Variants in CA10 observed in about 807,000 individuals in gnomAD.
CA10 encodes carbonic anhydrase-related protein 10.
CA10 carries 14 observed loss-of-function variants against 44.2 expected under a neutral mutation model. The observed-to-expected ratio is 0.32, with a 90% confidence interval of 0.21 to 0.50. The LOEUF (loss-of-function observed/expected upper bound fraction) is 0.50, where lower values mean the gene tolerates loss of function less well. Among genes scored for constraint, CA10 ranks in the 20% least tolerant of loss-of-function variants. The pLI is 0.99. For synonymous variants in CA10, 159 were observed against 141.6 expected, an observed-to-expected ratio of 1.12 and a Z score of -0.87; for missense variants, 350 against 409.7, an observed-to-expected ratio of 0.85 and a Z score of 1.26.
intron 1 of CA10, among the ~76,000 whole-genome samples, chr17:52,113,574 AC>A (rs748909854): frequency 2.0e-5 from 3 of 152,220 alleles, no homozygotes; most frequent in Non-Finnish European, 2.9e-5. Context: ...GTACAAGACA[AC>A]AGTGGAAAAG....
intron 1 of CA10, among the ~76,000 whole-genome samples, chr17:52,148,761 A>G (rs1428000517): frequency 2.6e-5 from 4 of 152,184 alleles, no homozygotes; most frequent in African/African-American, 4.8e-5. Flanking sequence ...GTAATGGGAA[A>G]AAAAACACTC....
chr17:51,986,759 CT>C (rs1311567842), intron 2 of CA10, among the ~76,000 whole-genome samples: 1 of 151,918 alleles, frequency 6.6e-6, no homozygotes. Context: ...TGAAAAAATA[CT>C]TAACATGACT....
intron 2 of CA10, among the ~76,000 whole-genome samples, chr17:52,049,281 C>T (rs1463049003): frequency 1.3e-5 from 2 of 152,072 alleles, no homozygotes; most frequent in African/African-American, 4.8e-5. Context: ...GCTGGACTGC[C>T]TGGGTTTGAG....
At chr17:51,928,148 C>T (rs1326771206) in intron 3 of CA10, among the ~76,000 whole-genome samples, 1 of 151,804 alleles carries the variant, frequency 6.6e-6, no homozygotes, top group African/African-American at 2.4e-5. Flanking sequence ...GGATCCAAGT[C>T]GAAACAAAAA....
In CA10 at chr17:51,920,387, T is replaced by G. The variant is rs557995623; in HGVS notation, c.279+10603A>C. Among the ~76,000 whole-genome samples the G allele has an allele frequency of 1.6e-3, 242 of 150,516 alleles. 5 individuals carry two copies. The South Asian group carries it at 0.05, about 31-fold the overall frequency. ...TGAAAGGGAGGGAGGAGGTTGGAGA[T>G]AAAGACTGGAGAGAAAAGAAAAGGC... On this transcript the variant is annotated intron_variant, in intron 3 of 8. Coordinates refer to ENST00000451037, the MANE Select transcript of CA10 (RefSeq NM_020178.5).
intron 3 of CA10, among the ~76,000 whole-genome samples, chr17:51,877,238 G>C (rs1171006060): frequency 1.3e-5 from 2 of 152,198 alleles, no homozygotes; most frequent in East Asian, 3.8e-4. Context: ...ATGGAAGAGA[G>C]TACCCTGCCA....
intron 2 of CA10, among the ~76,000 whole-genome samples, chr17:51,982,212 T>A (rs1277021455): frequency 2.0e-5 from 3 of 151,988 alleles, no homozygotes; most frequent in Non-Finnish European, 4.4e-5. Flanking sequence ...CAGAGTGTTT[T>A]TCCTGGTATT....
intron 4 of CA10, among the ~76,000 whole-genome samples, chr17:51,663,690 C>T (rs1303435020): frequency 6.7e-6 from 1 of 149,592 alleles, no homozygotes; most frequent in Non-Finnish European, 1.5e-5. Context: ...CAAAGTAAGC[C>T]CTCATTAAAT....
intron 3 of CA10, among the ~76,000 whole-genome samples, chr17:51,791,773 C>A (rs932252441): frequency 1.3e-5 from 2 of 152,126 alleles, no homozygotes; most frequent in South Asian, 2.1e-4. Flanking sequence ...TTCTATTTTT[C>A]CCACTTACTA....
chr17:51,736,214 A>G (rs1916905098), intron 4 of CA10, among the ~76,000 whole-genome samples: 1 of 152,200 alleles, frequency 6.6e-6, no homozygotes, highest in Non-Finnish European at 1.5e-5. Flanking sequence ...GGATTCAAAC[A>G]CAGGAATGAA....
chr17:51,830,000 C>T (rs1333900974), intron 3 of CA10, among the ~76,000 whole-genome samples: 1 of 151,934 alleles, frequency 6.6e-6, no homozygotes, highest in Non-Finnish European at 1.5e-5. Context: ...AGATCGAGAC[C>T]ATTCTGGCCA....
chr17:51,673,970 C>T (rs79654023), intron 4 of CA10, among the ~76,000 whole-genome samples: 1 of 18,118 alleles, frequency 5.5e-5, no homozygotes, highest in East Asian at 8.7e-4. Context: ...GAATGTCCTT[C>T]CCCCCCAGGT....
rs578047253 is a variant in CA10, at chr17:51,829,352, G to A, written c.280-81534C>T. Among the ~76,000 whole-genome samples the A allele has an allele frequency of 2.6e-5, 4 of 152,254 alleles. No homozygotes were observed. The South Asian group carries it at 6.2e-4, about 24-fold the overall frequency. On this transcript the variant is annotated intron_variant, in intron 3 of 8. Transcript: ENST00000451037. Reference sequence around the variant, plus strand: ...TGGTGGCTGTAAAGATTCATTATACGTATGGATTGTCCAAGCTGTTACAGA... The same window carrying A: ...TGGTGGCTGTAAAGATTCATTATACATATGGATTGTCCAAGCTGTTACAGA...
At chr17:52,139,684 A>C (rs530448879) in intron 1 of CA10, among the ~76,000 whole-genome samples, 45 of 152,036 alleles carry the variant, frequency 3.0e-4, no homozygotes, top group African/African-American at 1.1e-3. Flanking sequence ...CTGAGCTCAG[A>C]CTCTGGATTC....
chr17:51,649,050 T>C, intron 6 of CA10, 132 bp downstream of exon 6: 1 of 637,048 alleles, frequency 1.6e-6, no homozygotes, highest in Non-Finnish European at 2.8e-6. Flanking sequence ...ATCTCCAGAG[T>C]GACTTTCTAC....
At chr17:51,866,331 T>C (rs1271351619) in intron 3 of CA10, among the ~76,000 whole-genome samples, 1 of 152,238 alleles carries the variant, frequency 6.6e-6, no homozygotes, top group African/African-American at 2.4e-5. Context: ...GGAGTTCACA[T>C]AACAGCTTCT....
chr17:52,072,855 CCAG>C (rs1987721739), intron 1 of CA10, among the ~76,000 whole-genome samples: 1 of 152,018 alleles, frequency 6.6e-6, no homozygotes, highest in South Asian at 2.1e-4. Context: ...GTATACCCAG[CCAG>C]CTTTCCTTAG....
chr17:52,104,239 C>T (rs1447927606), intron 1 of CA10, among the ~76,000 whole-genome samples: 2 of 151,048 alleles, frequency 1.3e-5, no homozygotes, highest in Non-Finnish European at 2.9e-5. Flanking sequence ...GCTCTGTCAC[C>T]TAGGCTGAAG....
intron 4 of CA10, among the ~76,000 whole-genome samples, chr17:51,706,861 T>A (rs1406454758): frequency 6.6e-6 from 1 of 152,052 alleles, no homozygotes; most frequent in East Asian, 1.9e-4. Flanking sequence ...GGCCTTTCCA[T>A]CTCCTTTAGG....
Sources: gnomAD v4.1 joint callset for allele counts (sites outside exome capture counted in the v4.1 genomes callset) on GRCh38, gnomAD v4.1.1 for gene constraint, MANE v1.5 for transcripts, NCBI Gene and HGNC (gene_info 2026-07-23, HGNC 2026-07-21) for gene names.